Variants in TMEM209 observed in about 807,000 individuals in gnomAD.
TMEM209 encodes transmembrane protein 209.
A neutral mutation model predicts 76.2 loss-of-function variants in TMEM209; 65 were observed. That is an observed-to-expected ratio of 0.85 (90% CI 0.70 to 1.05). The LOEUF is 1.05. TMEM209 is among the 50% of genes least tolerant of loss of function. TMEM209 has a pLI of 0.00. For synonymous variants in TMEM209, 239 were observed against 237.6 expected, an observed-to-expected ratio of 1.01 and a Z score of -0.06; for missense variants, 623 against 685.5, an observed-to-expected ratio of 0.91 and a Z score of 1.02.
At chr7:130,198,486 C>G (rs963541676) in intron 5 of TMEM209, among the ~76,000 whole-genome samples, 1 of 151,982 alleles carries the variant, frequency 6.6e-6, no homozygotes, top group African/African-American at 2.4e-5. Flanking sequence ...TGGTGGGCCC[C>G]TATAATCATA....
At chr7:130,205,084 G>A (rs899261888) in intron 1 of TMEM209, 1 of 1,399,322 alleles carries the variant, frequency 7.1e-7, no homozygotes, top group Non-Finnish European at 9.3e-7. Context: ...CTTACAGACC[G>A]TGCAAAACTT....
chr7:130,192,452 A>G (rs988867628), intron 6 of TMEM209, 170 bp downstream of exon 6: 12 of 617,078 alleles, frequency 1.9e-5, no homozygotes, highest in Non-Finnish European at 3.0e-5. Flanking sequence ...TTCACTTCCT[A>G]AATTTAGTGA....
intron 11 of TMEM209, chr7:130,175,292 T>C (rs965275736): frequency 2.1e-5 from 9 of 423,984 alleles, no homozygotes; most frequent in Non-Finnish European, 1.2e-5. Flanking sequence ...TGAGACCCCA[T>C]CTCTACAAAA....
intron 9 of TMEM209, 99 bp from the exon 10 acceptor site, chr7:130,178,626 A>C: frequency 2.1e-6 from 3 of 1,414,534 alleles, no homozygotes; most frequent in Non-Finnish European, 2.9e-6. Context: ...CTGGTTCCTC[A>C]CTACCTTCAG....
intron 5 of TMEM209, among the ~76,000 whole-genome samples, chr7:130,198,611 CAA>C (rs1417107114): frequency 6.6e-6 from 1 of 151,822 alleles, no homozygotes; most frequent in Non-Finnish European, 1.5e-5. Context: ...AACTCTGTCT[CAA>C]AAAAACCCCC....
At chr7:130,185,455 G>T in intron 6 of TMEM209, 88 bp from the exon 7 acceptor site, 1 of 1,125,022 alleles carries the variant, frequency 8.9e-7, no homozygotes, top group Non-Finnish European at 1.3e-6. Flanking sequence ...TGGCAATCCA[G>T]GAATCAGAAG....
chr7:130,165,631 A>T lies in TMEM209; in HGVS notation c.*820T>A, dbSNP rs1262111832. On this transcript the variant is annotated 3_prime_UTR_variant, in exon 15 of 15. Transcript: ENST00000397622. Reference sequence around the variant, plus strand: ...AAAATATACATAAACTTAATACATTACTTAAGAGTTAATCTCATTTCTTTG... The same window carrying T: ...AAAATATACATAAACTTAATACATTTCTTAAGAGTTAATCTCATTTCTTTG... 1 of 151,572 alleles carries T rather than the reference A, an allele frequency of 6.6e-6. No individual in the cohort carries two copies. The highest frequency in any genetic ancestry group is 1.5e-5 in the Non-Finnish European group (1 of 67,962). The allele number at this position is 151,572 out of a possible 1,614,324, so 9.4% of individuals were successfully genotyped here. A position where few individuals can be genotyped will look rare whatever the true frequency, so the allele number is the denominator to read the frequency against.
At position 130,178,383 on chromosome 7, in the gene TMEM209, T is replaced by C. The variant is rs771961839; in HGVS notation, c.1246+19A>G. 3 of 1,571,728 alleles carry C rather than the reference T, an allele frequency of 1.9e-6. No individual in the cohort carries two copies. Among genetic ancestry groups the C allele is most frequent in the Non-Finnish European group, 2.6e-6 (3 of 1,158,550 alleles). On this transcript the variant is annotated intron_variant, in intron 10 of 14. Transcript: ENST00000397622. Reference sequence around the variant, plus strand: ...TAGTAAAAAAGCTCTTATTTTTTTCTCTTCAAATCAATAATTACCTTTGAT... The same window carrying C: ...TAGTAAAAAAGCTCTTATTTTTTTCCCTTCAAATCAATAATTACCTTTGAT...
At chr7:130,192,337 A>G (rs1797825349) in intron 6 of TMEM209, 1 of 377,342 alleles carries the variant, frequency 2.7e-6, no homozygotes, top group African/African-American at 2.0e-5. Context: ...CACTGCTTCA[A>G]AACATTATTT....
rs142851913 is a variant in TMEM209, at chr7:130,183,349, A to G, written c.1023+835T>C. On this transcript the variant is annotated intron_variant, in intron 8 of 14. Coordinates refer to ENST00000397622, the MANE Select transcript of TMEM209 (RefSeq NM_032842.4). ...GAGAGGTCTAGGCCCCACCCTTATA[A>G]ATTCTAATTGAGTAAGTCTAGGATT... Among the ~76,000 whole-genome samples the G allele has an allele frequency of 4.6e-5, 7 of 152,238 alleles. No homozygotes were observed. In the East Asian group the frequency reaches 1.3e-3, roughly 29 times the overall value.
intron 5 of TMEM209, among the ~76,000 whole-genome samples, chr7:130,194,420 G>C (rs1033379445): frequency 6.6e-6 from 1 of 151,372 alleles, no homozygotes; most frequent in Non-Finnish European, 1.5e-5. Flanking sequence ...TCCAGCCTGG[G>C]TGATAAAGAG....
intron 8 of TMEM209, among the ~76,000 whole-genome samples, chr7:130,182,648 G>A (rs1262904750): frequency 6.6e-6 from 1 of 152,096 alleles, no homozygotes; most frequent in Non-Finnish European, 1.5e-5. Flanking sequence ...CATCCCATCT[G>A]GTTTGTGTGT....
chr7:130,178,554 T>C (rs1797315646), intron 9 of TMEM209, 27 bp from the exon 10 acceptor site: 2 of 1,610,554 alleles, frequency 1.2e-6, no homozygotes, highest in African/African-American at 1.3e-5. Context: ...CAGAGAACAC[T>C]GATTATTCTA....
rs1414535732 is a variant in TMEM209 at position 130,202,657 on chromosome 7, G to A, written c.206C>T (p.Ala69Val). 1 of 1,612,396 alleles carries A rather than the reference G, an allele frequency of 6.2e-7. No homozygotes were observed. Among genetic ancestry groups the A allele is most frequent in the African/African-American group, 1.3e-5 (1 of 74,880 alleles). The stretch of plus-strand genomic sequence containing the variant: ...ATTAAGGCTGAAGAGAGATGCAAGG[G>A]CAAGCTCTGGAAGAGAACAATTTTT... ...TYWPLWYIEL[A>V]LASLFSLNAL... Residue 69 changes from alanine (A) to valine (V), a missense_variant, in exon 4 of 15, where the codon GCC (alanine) becomes GTC (valine). Physicochemically the swap from Ala to Val is moderately conservative, Grantham distance 64. Coordinates refer to ENST00000397622, the MANE Select transcript of TMEM209 (RefSeq NM_032842.4).
At position 130,181,622 on chromosome 7, in the gene TMEM209, C is replaced by A; in HGVS notation, c.1120+1G>T. On this transcript the variant is annotated splice_donor_variant, in intron 9 of 14. Coordinates refer to ENST00000397622, the MANE Select transcript of TMEM209 (RefSeq NM_032842.4). LOFTEE classifies it high-confidence loss of function. ...CAACACTGGGCTCTGTTTTCACATA[C>A]CTCCTATCTGTAGCTCTGGACAACC... The A allele has an allele frequency of 6.2e-7, 1 of 1,610,290 alleles. No homozygotes were observed. Among genetic ancestry groups the A allele is most frequent in the Non-Finnish European group, 8.5e-7 (1 of 1,178,192 alleles).
chr7:130,188,423 C>A (rs566845150), intron 6 of TMEM209, among the ~76,000 whole-genome samples: 2 of 151,734 alleles, frequency 1.3e-5, no homozygotes, highest in South Asian at 2.1e-4. Flanking sequence ...GGTGAAACCC[C>A]GTCTCTACTA....
chr7:130,180,056 T>C (rs1439892857), intron 9 of TMEM209, among the ~76,000 whole-genome samples: 1 of 152,190 alleles, frequency 6.6e-6, no homozygotes, highest in Non-Finnish European at 1.5e-5. Context: ...ATTACAAATG[T>C]ATACAAAGAT....
At chr7:130,180,366 A>C (rs1393845562) in intron 9 of TMEM209, among the ~76,000 whole-genome samples, 1 of 152,140 alleles carries the variant, frequency 6.6e-6, no homozygotes, top group Non-Finnish European at 1.5e-5. Flanking sequence ...AGGAATCAAA[A>C]AGACATTTCT....
chr7:130,182,465 T>G (rs181161790), intron 8 of TMEM209, among the ~76,000 whole-genome samples: 65 of 152,340 alleles, frequency 4.3e-4, no homozygotes, highest in African/African-American at 1.5e-3. Flanking sequence ...CTAACATAAC[T>G]GCCTAACTCT....
Sources: gnomAD v4.1 joint callset for allele counts (sites outside exome capture counted in the v4.1 genomes callset) on GRCh38, gnomAD v4.1.1 for gene constraint, MANE v1.5 for transcripts, NCBI Gene and HGNC (gene_info 2026-07-23, HGNC 2026-07-21) for gene names.